The following TFAP2C variants were observed in gnomAD, a reference collection of about 807,000 sequenced individuals.
TFAP2C encodes the protein transcription factor AP-2 gamma.
Under a neutral mutation model 42.9 loss-of-function variants are expected in TFAP2C, and 9 were observed. The ratio of observed to expected loss-of-function variants is 0.21; its 90% CI spans 0.13 to 0.37. The LOEUF (loss-of-function observed/expected upper bound fraction) is 0.37, where lower values mean the gene tolerates loss of function less well. Ranked by LOEUF, TFAP2C falls within the 10% of genes least tolerant of loss-of-function variation. The pLI is 1.00. For missense variants in TFAP2C, 462 were observed against 591.7 expected, an observed-to-expected ratio of 0.78 and a Z score of 2.27; for synonymous variants, 264 against 256.0, an observed-to-expected ratio of 1.03 and a Z score of -0.30.
intron 5 of TFAP2C, 59 bp downstream of exon 5, chr20:56,634,327 A>G (rs1987547664): frequency 3.2e-6 from 4 of 1,250,174 alleles, no homozygotes; most frequent in Non-Finnish European, 4.6e-6. Flanking sequence ...TGTCTTTAAT[A>G]CTTATTGCAG....
At position 56,631,467 on chromosome 20, in the gene TFAP2C, C is replaced by A; in HGVS notation, c.311C>A (p.Pro104His). 6.5e-7 allele frequency: 1 copy of A among 1,543,276 alleles called. No individual in the cohort carries two copies. The highest frequency in any genetic ancestry group is 8.7e-7 in the Non-Finnish European group (1 of 1,147,766). Residue 104 changes from proline to histidine, a missense_variant, in exon 2 of 7, where the codon CCC (proline) becomes CAC (histidine). Around this residue, in one of 5 missense-constraint regions of TFAP2C, gnomAD observed 271 missense variants for 269.7 expected, o/e 1.00. Transcript: ENST00000201031. The surrounding 1 kb of genome is among the most constrained non-coding windows in gnomAD (Gnocchi z 6.1). Reference protein sequence around the residue: ...APTGSQQQAWPGRQSQEGAGL... With the variant: ...APTGSQQQAWHGRQSQEGAGL... Reference sequence around the variant, plus strand: ...ACAGGCAGCCAGCAGCAGGCCTGGCCCGGCCGCCAGAGCCAGGAGGGAGCG... The same window carrying A: ...ACAGGCAGCCAGCAGCAGGCCTGGCACGGCCGCCAGAGCCAGGAGGGAGCG...
chr20:56,631,564 G>A lies in TFAP2C; in HGVS notation c.408G>A (p.Val136=). 1 of 1,531,176 alleles carries A rather than the reference G, an allele frequency of 6.5e-7. No homozygotes were observed. The highest frequency in any genetic ancestry group is 8.7e-7 in the Non-Finnish European group (1 of 1,145,844). 94.8% of individuals were successfully genotyped at this position (1,531,176 alleles called of 1,614,324 possible). A position where few individuals can be genotyped will look rare whatever the true frequency, so the allele number is the denominator to read the frequency against. The change falls in exon 2 of 7, where the codon GTG becomes GTA. Residue 136 remains valine (V), a synonymous_variant. Coordinates refer to ENST00000201031, the MANE Select transcript of TFAP2C (RefSeq NM_003222.4). This position sits in a 1 kb window ranked among gnomAD's most constrained non-coding sequence, Gnocchi z 6.1. The part of the protein sequence containing the change: ...PHLSGLEAGA[V]SARRDAYRRS... The stretch of plus-strand genomic sequence containing the variant: ...TCTCCGGGCTGGAGGCGGGCGCGGT[G>A]AGCGCCCGCAGGGATGCCTACCGCC...
Position 56,630,335 on chromosome 20 carries a change from C to A in TFAP2C, c.48+743C>A. 1 of 439,500 alleles carries A rather than the reference C, an allele frequency of 2.3e-6. No homozygotes were observed. Among genetic ancestry groups the A allele is most frequent in the East Asian group, 7.3e-5 (1 of 13,672 alleles). 27.2% of individuals were successfully genotyped at this position (439,500 alleles called of 1,614,324 possible). A position where few individuals can be genotyped will look rare whatever the true frequency, so the allele number is the denominator to read the frequency against. ...GGCTGCCCCTGCCCGCAGGCCCGGG[C>A]GCTTCCGCCAGGAGGCGACAGCGCC... On this transcript the variant is annotated intron_variant, in intron 1 of 6. Transcript: ENST00000201031. The surrounding 1 kb of genome is among the most constrained non-coding windows in gnomAD (Gnocchi z 5.1).
intron 5 of TFAP2C, 102 bp from the exon 6 acceptor site, chr20:56,636,508 A>T (rs1293048319): frequency 1.5e-6 from 2 of 1,316,644 alleles, no homozygotes; most frequent in Non-Finnish European, 2.0e-6. Flanking sequence ...CCTGGGCAAC[A>T]GAGCGAGACT....
chr20:56,631,621 C>T lies in TFAP2C; in HGVS notation c.465C>T (p.Ala155=). 1 of 1,573,538 alleles carries T rather than the reference C, an allele frequency of 6.4e-7. No individual in the cohort carries two copies. Among genetic ancestry groups the T allele is most frequent in the Non-Finnish European group, 8.6e-7 (1 of 1,166,728 alleles). ...RSDLLLPHAH[A]LDAAGLAENL... The stretch of plus-strand genomic sequence containing the variant: ...ACCTGCTGCTGCCCCACGCACACGC[C>T]CTGGATGCCGCGGGCCTGGCCGAGA... Residue 155 remains alanine, a synonymous_variant, in exon 2 of 7, where the codon GCC becomes GCT. Coordinates refer to ENST00000201031, the MANE Select transcript of TFAP2C (RefSeq NM_003222.4). This position sits in a 1 kb window ranked among gnomAD's most constrained non-coding sequence, Gnocchi z 6.1.
intron 6 of TFAP2C, 129 bp downstream of exon 6, chr20:56,636,883 G>C (rs945209801): frequency 8.4e-7 from 1 of 1,184,852 alleles, no homozygotes; most frequent in Admixed American, 2.8e-5. Flanking sequence ...TGGAGCAAAA[G>C]AAAATGGCAA....
chr20:56,634,618 C>G (rs6064426), intron 5 of TFAP2C, among the ~76,000 whole-genome samples: 3 of 152,104 alleles, frequency 2.0e-5, no homozygotes, highest in Admixed American at 6.6e-5. Context: ...TTTGGTACAC[C>G]TTGAGTAAAA....
Position 56,630,773 on chromosome 20 carries a change from T to A in TFAP2C, c.49-432T>A. On this transcript the variant is annotated intron_variant, in intron 1 of 6. Transcript: ENST00000201031. This position sits in a 1 kb window ranked among gnomAD's most constrained non-coding sequence, Gnocchi z 5.1. ...TATCCGCGCCTGCCGCGCTGCCACCTCCAGCAGTCCCTGCGTCATGGGCGG... is the reference window on the plus strand; with the variant it reads ...TATCCGCGCCTGCCGCGCTGCCACCACCAGCAGTCCCTGCGTCATGGGCGG... The A allele has an allele frequency of 1.0e-6, 1 of 985,334 alleles. No individual in the cohort carries two copies. Among genetic ancestry groups the A allele is most frequent in the Non-Finnish European group, 1.2e-6 (1 of 829,906 alleles). 61.0% of individuals were successfully genotyped at this position (985,334 alleles called of 1,614,324 possible).
chr20:56,632,844 C>T (rs1987517004), intron 3 of TFAP2C, among the ~76,000 whole-genome samples: 2 of 151,844 alleles, frequency 1.3e-5, no homozygotes. Flanking sequence ...ACCCTCCAAG[C>T]TTTGGATCTT....
Position 56,633,972 on chromosome 20 carries a change from G to A in TFAP2C, c.804-178G>A, listed in dbSNP as rs374834286. Among the ~76,000 whole-genome samples, 336 of 152,320 alleles carry A rather than the reference G, an allele frequency of 2.2e-3. 4 individuals carry two copies. The highest frequency in any genetic ancestry group is 7.8e-3 in the African/African-American group (323 of 41,566). ...GGAAAGATTGATTTTGTATCTTACG[G>A]GGACTAATTGAAAGAGGACCCTGCT... On this transcript the variant is annotated intron_variant, in intron 4 of 6. Transcript: ENST00000201031.
At chr20:56,633,592 CA>C in intron 4 of TFAP2C, 23 bp downstream of exon 4, 1 of 1,593,742 alleles carries the variant, frequency 6.3e-7, no homozygotes, top group Non-Finnish European at 8.6e-7. Flanking sequence ...CAATTCTAGG[CA>C]TAGTGGTTGG....
At position 56,629,614 on chromosome 20, in the gene TFAP2C, C is replaced by T. The variant is rs1221694627; in HGVS notation, c.48+22C>T. ...CGAGGTGAGCTGGGGCTCCGGGGTGCAGCCCCGCCCCGCCGAGGACAGTCC... is the reference window on the plus strand; with the variant it reads ...CGAGGTGAGCTGGGGCTCCGGGGTGTAGCCCCGCCCCGCCGAGGACAGTCC... On this transcript the variant is annotated intron_variant, in intron 1 of 6. Coordinates refer to ENST00000201031, the MANE Select transcript of TFAP2C (RefSeq NM_003222.4). This position sits in a 1 kb window ranked among gnomAD's most constrained non-coding sequence, Gnocchi z 5.9. 2.2e-6 allele frequency: 3 copies of T among 1,388,482 alleles called. No homozygotes were observed. The highest frequency in any genetic ancestry group is 1.9e-5 in the South Asian group (1 of 52,638). The allele number at this position is 1,388,482 out of a possible 1,614,324, so 86.0% of individuals were successfully genotyped here. A position where few individuals can be genotyped will look rare whatever the true frequency, so the allele number is the denominator to read the frequency against.
Position 56,629,337 on chromosome 20 carries a change from T to C in TFAP2C, c.-208T>C, listed in dbSNP as rs1288221863. ...CACTGTTCGGGCGCGGCTTTCCCCG[T>C]CCGCGGAGCGGTCTTGACACTCGCG... On this transcript the variant is annotated 5_prime_UTR_variant, in exon 1 of 7. Coordinates refer to ENST00000201031, the MANE Select transcript of TFAP2C (RefSeq NM_003222.4). The surrounding 1 kb of genome is among the most constrained non-coding windows in gnomAD (Gnocchi z 5.9). 7.4e-6 allele frequency: 3 copies of C among 405,944 alleles called. No homozygotes were observed. The highest frequency in any genetic ancestry group is 1.3e-5 in the Non-Finnish European group (3 of 232,842). The allele number at this position is 405,944 out of a possible 1,614,324, so 25.1% of individuals were successfully genotyped here. A position where few individuals can be genotyped will look rare whatever the true frequency, so the allele number is the denominator to read the frequency against.
At chr20:56,632,971 C>A (rs1333339483) in intron 3 of TFAP2C, among the ~76,000 whole-genome samples, 1 of 152,154 alleles carries the variant, frequency 6.6e-6, no homozygotes. Context: ...CACCTCTAAT[C>A]CCAGCACTTT....
rs1987475127 is a variant in TFAP2C at position 56,630,858 on chromosome 20, T to G, written c.49-347T>G. On this transcript the variant is annotated intron_variant, in intron 1 of 6. Transcript: ENST00000201031. The surrounding 1 kb of genome is among the most constrained non-coding windows in gnomAD (Gnocchi z 5.1). ...TCCTTCGCCCCGGGCTCTGGCTCCT[T>G]CGCCCCGGGCTCCGGCCACGGACTT... The G allele has an allele frequency of 1.5e-5, 15 of 984,902 alleles. No homozygotes were observed. The highest frequency in any genetic ancestry group is 1.8e-5 in the Non-Finnish European group (15 of 829,748). The allele number at this position is 984,902 out of a possible 1,614,324, so 61.0% of individuals were successfully genotyped here. A position where few individuals can be genotyped will look rare whatever the true frequency, so the allele number is the denominator to read the frequency against.
In TFAP2C at chr20:56,638,392, C is replaced by G. The variant is rs1427420185; in HGVS notation, c.*379C>G. ...CATTGAAATGTCAAATTGATGTGCC[C>G]TAGATCAACAGATCAACAATACCTT... On this transcript the variant is annotated 3_prime_UTR_variant, in exon 7 of 7. Transcript: ENST00000201031. 1.7e-5 allele frequency: 3 copies of G among 181,114 alleles called. No individual in the cohort carries two copies. The highest frequency in any genetic ancestry group is 2.4e-5 in the African/African-American group (1 of 42,346). 11.2% of individuals were successfully genotyped at this position (181,114 alleles called of 1,614,324 possible).
In TFAP2C at chr20:56,631,765, C is replaced by G. The variant is rs1404251297; in HGVS notation, c.535-40C>G. The G allele has an allele frequency of 6.2e-7, 1 of 1,613,874 alleles. No individual in the cohort carries two copies. The highest frequency in any genetic ancestry group is 8.5e-7 in the Non-Finnish European group (1 of 1,180,008). On this transcript the variant is annotated intron_variant, in intron 2 of 6. Coordinates refer to ENST00000201031, the MANE Select transcript of TFAP2C (RefSeq NM_003222.4). The surrounding 1 kb of genome is among the most constrained non-coding windows in gnomAD (Gnocchi z 6.1). ...TGCCCCCACCCCGCACTCCTCTAGG[C>G]TCCCCCGAACTTAAGGGAATTTTGT... is the stretch of plus-strand genomic sequence containing the variant.
intron 3 of TFAP2C, among the ~76,000 whole-genome samples, chr20:56,632,672 A>G (rs1987512765): frequency 6.6e-6 from 1 of 152,226 alleles, no homozygotes; most frequent in African/African-American, 2.4e-5. Flanking sequence ...ACTGTGATCA[A>G]CTGCACTGAA....
Position 56,629,816 on chromosome 20 carries a change from G to A in TFAP2C, c.48+224G>A, listed in dbSNP as rs763993193. ...CGGGAACGAGGCCTGGAAAGAGAAT[G>A]GCAAATCCCACCCACACAGCTTACC... On this transcript the variant is annotated intron_variant, in intron 1 of 6. Coordinates refer to ENST00000201031, the MANE Select transcript of TFAP2C (RefSeq NM_003222.4). This position sits in a 1 kb window ranked among gnomAD's most constrained non-coding sequence, Gnocchi z 5.9. Among the ~76,000 whole-genome samples the A allele has an allele frequency of 1.3e-5, 2 of 152,164 alleles. No homozygotes were observed. The highest frequency in any genetic ancestry group is 3.9e-4 in the East Asian group (2 of 5,166).
Sources: gnomAD v4.1 joint callset for allele counts (sites outside exome capture counted in the v4.1 genomes callset) on GRCh38, gnomAD v4.1.1 for gene constraint, gnomAD v4.1.1 regional missense constraint, Gnocchi (gnomAD v3.1) non-coding constraint, MANE v1.5 for transcripts, NCBI Gene and HGNC (gene_info 2026-07-23, HGNC 2026-07-21) for gene names.